Variants in TMEM59 observed in about 807,000 individuals in gnomAD.
The protein encoded by TMEM59 is dendritic cell factor 1.
A neutral mutation model predicts 42.2 loss-of-function variants in TMEM59; 44 were observed. The observed-to-expected ratio is 1.04, with a 90% CI of 0.82 to 1.34. TMEM59 has a LOEUF of 1.34. TMEM59 is among the 40% of genes most tolerant of loss of function. TMEM59 has a pLI of 0.00. For missense variants in TMEM59, 359 were observed against 382.8 expected, an observed-to-expected ratio of 0.94 and a Z score of 0.52; for synonymous variants, 148 against 145.8, an observed-to-expected ratio of 1.02 and a Z score of -0.11.
chr1:54,040,921 T>C, intron 5 of TMEM59, 84 bp from the exon 6 acceptor site: 2 of 1,035,998 alleles, frequency 1.9e-6, no homozygotes, highest in Non-Finnish European at 3.0e-6. Flanking sequence ...ATATACACTT[T>C]ACAGATATCC....
intron 1 of TMEM59, 177 bp from the exon 2 acceptor site, chr1:54,047,549 A>G (rs1029123391): frequency 1.8e-6 from 1 of 557,042 alleles, no homozygotes; most frequent in Non-Finnish European, 3.1e-6. Context: ...TGCCATATAG[A>G]GGTTTTAGTT....
chr1:54,030,280 G>C lies in TMEM59; in HGVS notation c.*1870C>G, dbSNP rs1461855323. 6.6e-6 allele frequency: 1 copy of C among 152,080 alleles called. No individual in the cohort carries two copies. The highest frequency in any genetic ancestry group is 1.5e-5 in the Non-Finnish European group (1 of 68,022). 9.4% of individuals were successfully genotyped at this position (152,080 alleles called of 1,614,324 possible). A position where few individuals can be genotyped will look rare whatever the true frequency, so the allele number is the denominator to read the frequency against. ...TCTAACAGTGGGCTCTTTGATTCCT[G>C]TGAGACAGCAGCATTTTGTGTTTCT... is the stretch of plus-strand genomic sequence containing the variant. On this transcript the variant is annotated 3_prime_UTR_variant, in exon 8 of 8. Coordinates refer to ENST00000234831, the MANE Select transcript of TMEM59 (RefSeq NM_004872.5).
chr1:54,053,383 G>A, upstream of TMEM59: 1 of 641,002 alleles, frequency 1.6e-6, no homozygotes, highest in South Asian at 2.0e-5. Context: ...TCTTCTCCTA[G>A]GCTGGCGTGA....
At chr1:54,035,581 T>C (rs992068111) in intron 7 of TMEM59, among the ~76,000 whole-genome samples, 5 of 152,142 alleles carry the variant, frequency 3.3e-5, no homozygotes, top group Admixed American at 6.5e-5. Context: ...GATACCAGAA[T>C]ATAACAACTC....
rs1332228226 is a variant in TMEM59, at chr1:54,044,339, C to CTCAAAAAAAAAAAAAA, written c.391-815_391-814insTTTTTTTTTTTTTTGA. On this transcript the variant is annotated intron_variant, in intron 3 of 7. Transcript: ENST00000234831. ...GCCTGGCGACAGAGCGAGACTCCATCACAAAAAAAAAAAAAAAAAAAGGAT... is the reference window on the plus strand; with the variant it reads ...GCCTGGCGACAGAGCGAGACTCCATCTCAAAAAAAAAAAAAAACAAAAAAAAAAAAAAAAAAAGGAT... 1.8e-4 allele frequency: 9 copies of CTCAAAAAAAAAAAAAA among 49,776 alleles called. 4 individuals are homozygous for CTCAAAAAAAAAAAAAA. The highest frequency in any genetic ancestry group is 2.4e-4 in the African/African-American group (4 of 16,536). The allele number at this position is 49,776 out of a possible 1,614,324, so 3.1% of individuals were successfully genotyped here.
intron 6 of TMEM59, among the ~76,000 whole-genome samples, chr1:54,039,314 T>C (rs1657060520): frequency 6.6e-6 from 1 of 152,112 alleles, no homozygotes; most frequent in Non-Finnish European, 1.5e-5. Context: ...AATGACAAAA[T>C]GTTAAAGGTC....
upstream of TMEM59, chr1:54,053,262 A>T: frequency 3.2e-6 from 5 of 1,547,656 alleles, no homozygotes; most frequent in Non-Finnish European, 4.4e-6. Context: ...TCCTGGGGCC[A>T]GCCCCCTTCT....
chr1:54,027,382 G>A lies in TMEM59; in HGVS notation c.*4768C>T, dbSNP rs1441598249. 6.6e-6 allele frequency: 1 copy of A among 152,012 alleles called. No individual in the cohort carries two copies. Among genetic ancestry groups the A allele is most frequent in the Non-Finnish European group, 1.5e-5 (1 of 68,002 alleles). The allele number at this position is 152,012 out of a possible 1,614,324, so 9.4% of individuals were successfully genotyped here. On this transcript the variant is annotated 3_prime_UTR_variant, in exon 8 of 8. Transcript: ENST00000234831. ...GCTTTGAAAACATTACTATGAGAGG[G>A]GGTCCACAGGCTTCACTGGATCACT...
At chr1:54,036,755 T>C in intron 6 of TMEM59, 37 bp from the exon 7 acceptor site, 1 of 1,435,140 alleles carries the variant, frequency 7.0e-7, no homozygotes, top group East Asian at 2.5e-5. Context: ...TATATTAAAA[T>C]TTTATAAGAA....
chr1:54,042,614 C>T (rs968334032), intron 4 of TMEM59, among the ~76,000 whole-genome samples: 1 of 152,144 alleles, frequency 6.6e-6, no homozygotes, highest in Admixed American at 6.5e-5. Context: ...TACTTTATTA[C>T]CTGAGAGGAA....
In TMEM59 at chr1:54,052,980, C is replaced by A. The variant is rs1479223113; in HGVS notation, c.189+20G>T. ...TGGGCTGCAAGGGAAGGGTCGCAGC[C>A]CGCTCCGGACGGGCCCTACCTTAGG... On this transcript the variant is annotated intron_variant, in intron 1 of 7. Transcript: ENST00000234831. 3 of 1,597,722 alleles carry A rather than the reference C, an allele frequency of 1.9e-6. No individual in the cohort carries two copies. Among genetic ancestry groups the A allele is most frequent in the African/African-American group, 1.3e-5 (1 of 74,622 alleles).
At chr1:54,037,870 G>A (rs1480749254) in intron 6 of TMEM59, among the ~76,000 whole-genome samples, 2 of 152,124 alleles carry the variant, frequency 1.3e-5, no homozygotes, top group Non-Finnish European at 2.9e-5. Flanking sequence ...TAAGTAACCT[G>A]AGTACTAAGG....
chr1:54,047,026 G>A (rs1393329489), intron 2 of TMEM59, among the ~76,000 whole-genome samples: 1 of 152,180 alleles, frequency 6.6e-6, no homozygotes, highest in South Asian at 2.1e-4. Flanking sequence ...AGAATGCTTG[G>A]TTAAACAAAG....
At chr1:54,049,741 G>A (rs1277807860) in intron 1 of TMEM59, among the ~76,000 whole-genome samples, 2 of 152,142 alleles carry the variant, frequency 1.3e-5, no homozygotes, top group African/African-American at 2.4e-5. Context: ...CACTTTGGGA[G>A]GTCAAGACAT....
chr1:54,039,588 G>A (rs1444462676), intron 6 of TMEM59, among the ~76,000 whole-genome samples: 5 of 152,164 alleles, frequency 3.3e-5, no homozygotes, highest in Non-Finnish European at 7.3e-5. Flanking sequence ...CCACATAATT[G>A]TAATGATATA....
Position 54,029,129 on chromosome 1 carries a change from A to C in TMEM59, c.*3021T>G, listed in dbSNP as rs1448918947. On this transcript the variant is annotated 3_prime_UTR_variant, in exon 8 of 8. Coordinates refer to ENST00000234831, the MANE Select transcript of TMEM59 (RefSeq NM_004872.5). ...TAAATTGTTTGCCTTTGGCTGGAAGATAAGCTCAGACAGTGCAGGGTTTTC... is the reference window on the plus strand; with the variant it reads ...TAAATTGTTTGCCTTTGGCTGGAAGCTAAGCTCAGACAGTGCAGGGTTTTC... 6.6e-6 allele frequency: 1 copy of C among 152,236 alleles called. No individual in the cohort carries two copies. The highest frequency in any genetic ancestry group is 1.5e-5 in the Non-Finnish European group (1 of 68,046). The allele number at this position is 152,236 out of a possible 1,614,324, so 9.4% of individuals were successfully genotyped here. A position where few individuals can be genotyped will look rare whatever the true frequency, so the allele number is the denominator to read the frequency against.
At chr1:54,053,226 G>A (rs1416174928), upstream of TMEM59, 1 of 1,605,270 alleles carries the variant, frequency 6.2e-7, no homozygotes, top group South Asian at 1.1e-5. Flanking sequence ...GCTTGTTGCT[G>A]TTTTCTCGGA....
chr1:54,051,512 G>A (rs1287014772), intron 1 of TMEM59, among the ~76,000 whole-genome samples: 1 of 152,166 alleles, frequency 6.6e-6, no homozygotes, highest in Non-Finnish European at 1.5e-5. Context: ...CATTATTAAA[G>A]TACCTACAAC....
intron 3 of TMEM59, chr1:54,044,332 ACTCCAT>A (rs1657249549): frequency 2.0e-5 from 1 of 50,486 alleles, no homozygotes; most frequent in Non-Finnish European, 3.9e-5. Context: ...ACAGAGCGAG[ACTCCAT>A]CACAAAAAAA....
Sources: allele counts gnomAD v4.1 joint callset (sites outside exome capture counted in the v4.1 genomes callset), GRCh38; gene constraint gnomAD v4.1.1; transcripts MANE v1.5; gene names NCBI Gene and HGNC (gene_info 2026-07-23, HGNC 2026-07-21).